TNNI3K: variants seen among roughly 807,000 people sequenced by gnomAD.
The protein encoded by TNNI3K is serine/threonine-protein kinase TNNI3K.
In TNNI3K, 140 loss-of-function variants were observed where a neutral mutation model predicts 114.5. The observed-to-expected ratio is 1.22, with a 90% CI of 1.07 to 1.41. TNNI3K has a LOEUF of 1.41. Ranked by LOEUF, TNNI3K falls within the 40% of genes most tolerant of loss-of-function variation. TNNI3K has a pLI of 0.00. For synonymous variants in TNNI3K, 347 were observed against 347.5 expected (o/e 1.00, Z 0.02); for missense variants, 1,125 against 1,007.6 (o/e 1.12, Z -1.58).
chr1:74,387,329 A>G (rs979840430), intron 17 of TNNI3K, among the ~76,000 whole-genome samples: 2 of 152,242 alleles, frequency 1.3e-5, no homozygotes, highest in East Asian at 3.8e-4. Context: ...AAGCGAATAC[A>G]TTTAAAAATT....
intron 20 of TNNI3K, among the ~76,000 whole-genome samples, chr1:74,456,495 G>C (rs1340131966): frequency 6.6e-6 from 1 of 152,100 alleles, no homozygotes; most frequent in Non-Finnish European, 1.5e-5. Context: ...TCTCTCCTGG[G>C]CTTGTCTCCT....
chr1:74,516,177 G>T (rs1646344917), intron 23 of TNNI3K, among the ~76,000 whole-genome samples: 1 of 152,062 alleles, frequency 6.6e-6, no homozygotes, highest in Non-Finnish European at 1.5e-5. Flanking sequence ...TAAAAATATG[G>T]TCATTTATTT....
chr1:74,318,759 A>G (rs1384031717), intron 5 of TNNI3K, among the ~76,000 whole-genome samples: 1 of 152,164 alleles, frequency 6.6e-6, no homozygotes, highest in African/African-American at 2.4e-5. Context: ...ACTAACCTGT[A>G]TGTTGCTTTG....
At chr1:74,475,276 T>A in intron 21 of TNNI3K, 1 of 627,446 alleles carries the variant, frequency 1.6e-6, no homozygotes, top group Non-Finnish European at 2.9e-6. Flanking sequence ...TGGGATTTTC[T>A]AAAACAAGAC....
chr1:74,311,226 T>C (rs1287746654), intron 5 of TNNI3K, among the ~76,000 whole-genome samples: 1 of 152,150 alleles, frequency 6.6e-6, no homozygotes, highest in African/African-American at 2.4e-5. Context: ...TAATCATTAT[T>C]CTTCTTTCAG....
chr1:74,307,886 C>G (rs1405502031), intron 5 of TNNI3K, among the ~76,000 whole-genome samples: 1 of 152,142 alleles, frequency 6.6e-6, no homozygotes, highest in Non-Finnish European at 1.5e-5. Context: ...TCACTTGAAC[C>G]TGGGAGGCAG....
chr1:74,330,592 T>C (rs1230523793), intron 5 of TNNI3K, among the ~76,000 whole-genome samples: 2 of 152,154 alleles, frequency 1.3e-5, no homozygotes, highest in African/African-American at 4.8e-5. Context: ...CACTGAGTAG[T>C]CCCATTTATG....
chr1:74,252,656 T>C lies in TNNI3K; in HGVS notation c.333+1887T>C, dbSNP rs1332854931. ...CTGGTGGGTTCGTGGTCTCGCTGGC[T>C]ATGGAGTGAAGCTGCAGACCCTCGC... On this transcript the variant is annotated intron_variant, in intron 4 of 24. Transcript: ENST00000326637. 2.6e-5 allele frequency among the ~76,000 whole-genome samples: 4 copies of C among 152,174 alleles called. No homozygotes were observed. In the East Asian group the frequency reaches 7.7e-4, roughly 29 times the overall value.
chr1:74,463,150 C>T (rs1480551611), intron 20 of TNNI3K, among the ~76,000 whole-genome samples: 2 of 152,200 alleles, frequency 1.3e-5, no homozygotes, highest in South Asian at 2.1e-4. Context: ...TGTACATACC[C>T]TATACTTCAG....
intron 23 of TNNI3K, among the ~76,000 whole-genome samples, chr1:74,524,402 C>A (rs868287167): frequency 6.6e-6 from 1 of 152,194 alleles, no homozygotes; most frequent in Non-Finnish European, 1.5e-5. Context: ...TCCAGGGCTG[C>A]TGTGGAGTTT....
chr1:74,539,922 C>T (rs981640619), intron 23 of TNNI3K, among the ~76,000 whole-genome samples: 1 of 152,012 alleles, frequency 6.6e-6, no homozygotes, highest in African/African-American at 2.4e-5. Flanking sequence ...GGATTACAAG[C>T]ACAAACTGGA....
At chr1:74,263,380 C>G (rs749847281) in intron 4 of TNNI3K, among the ~76,000 whole-genome samples, 5 of 151,942 alleles carry the variant, frequency 3.3e-5, no homozygotes, top group Non-Finnish European at 7.4e-5. Context: ...AGACCAGATC[C>G]AAGTTGCTTA....
chr1:74,465,114 T>G (rs1434117626), intron 21 of TNNI3K, among the ~76,000 whole-genome samples: 1 of 152,220 alleles, frequency 6.6e-6, no homozygotes, highest in African/African-American at 2.4e-5. Flanking sequence ...TATTGAGAGA[T>G]GACAACGTGC....
intron 17 of TNNI3K, among the ~76,000 whole-genome samples, chr1:74,432,815 G>A (rs1347356346): frequency 1.3e-5 from 2 of 151,934 alleles, no homozygotes; most frequent in African/African-American, 4.8e-5. Context: ...GTCCTGCATC[G>A]TCCTTTGGGT....
chr1:74,491,865 G>A (rs562733175), intron 22 of TNNI3K, among the ~76,000 whole-genome samples: 1 of 152,226 alleles, frequency 6.6e-6, no homozygotes, highest in Admixed American at 6.5e-5. Flanking sequence ...AGAAAGATGA[G>A]CATAAATTTA....
chr1:74,477,611 T>G (rs914929705), intron 21 of TNNI3K, among the ~76,000 whole-genome samples: 2 of 152,164 alleles, frequency 1.3e-5, no homozygotes, highest in South Asian at 4.1e-4. Context: ...TAAACATAAT[T>G]TGATTATAGG....
At chr1:74,357,039 AG>A (rs1332618783) in intron 11 of TNNI3K, among the ~76,000 whole-genome samples, 1 of 152,180 alleles carries the variant, frequency 6.6e-6, no homozygotes, top group East Asian at 1.9e-4. Flanking sequence ...TCATGTGTTC[AG>A]GGAGAACTGA....
chr1:74,451,594 T>C (rs1255382714), intron 20 of TNNI3K, among the ~76,000 whole-genome samples: 1 of 151,516 alleles, frequency 6.6e-6, no homozygotes, highest in Admixed American at 6.6e-5. Context: ...TCTTCCTTCC[T>C]TCCTTTCTTT....
chr1:74,414,319 G>C (rs551331319), intron 17 of TNNI3K, among the ~76,000 whole-genome samples: 1 of 152,266 alleles, frequency 6.6e-6, no homozygotes, highest in African/African-American at 2.4e-5. Flanking sequence ...AATAAAATAT[G>C]CATGGAGTTT....
Sources: allele counts gnomAD v4.1 joint callset (sites outside exome capture counted in the v4.1 genomes callset), GRCh38; gene constraint gnomAD v4.1.1; transcripts MANE v1.5; gene names NCBI Gene and HGNC (gene_info 2026-07-23, HGNC 2026-07-21).